ESR1: variants seen among roughly 807,000 people sequenced by gnomAD.
ESR1 encodes the protein estrogen receptor 1, also known as estrogen receptor.
A neutral mutation model predicts 52.7 loss-of-function variants in ESR1; 12 were observed. The ratio of observed to expected loss-of-function variants is 0.23; its 90% confidence interval spans 0.15 to 0.37. The LOEUF (loss-of-function observed/expected upper bound fraction) is 0.37. Ranked by LOEUF, ESR1 falls within the 10% of genes least tolerant of loss-of-function variation. ESR1 has a pLI of 1.00. For missense variants in ESR1, 584 were observed against 779.7 expected (o/e 0.75, Z 2.99); for synonymous variants, 305 against 316.8 (o/e 0.96, Z 0.39).
chr6:152,091,773 C>T (rs766021618), intron 6 of ESR1, among the ~76,000 whole-genome samples: 3 of 152,162 alleles, frequency 2.0e-5, no homozygotes, highest in Non-Finnish European at 4.4e-5. Context: ...AAGAGAGGCA[C>T]ACATGTCACC....
At chr6:151,767,185 C>A (rs531443069) in intron 2 of ESR1, among the ~76,000 whole-genome samples, 1 of 152,306 alleles carries the variant, frequency 6.6e-6, no homozygotes, top group South Asian at 2.1e-4. Context: ...CAATCACATC[C>A]AATCCCATGG....
At position 152,013,450 on chromosome 6, in the gene ESR1, T is replaced by A. The variant is rs553786686; in HGVS notation, c.1235+1656T>A. Among the ~76,000 whole-genome samples the A allele has an allele frequency of 1.8e-3, 268 of 152,328 alleles. 2 individuals are homozygous for A. Among genetic ancestry groups the A allele is most frequent in the African/African-American group, 6.0e-3 (250 of 41,578 alleles). The stretch of plus-strand genomic sequence containing the variant: ...CCTCATCTGTATCTATCTTCTTTTT[T>A]AAAATTTAATTCAATTTTTATAATG... On this transcript the variant is annotated intron_variant, in intron 5 of 7. Coordinates refer to ENST00000206249, the MANE Select transcript of ESR1 (RefSeq NM_000125.4).
intron 3 of ESR1, among the ~76,000 whole-genome samples, chr6:151,885,617 C>A (rs904563004): frequency 1.3e-5 from 2 of 152,210 alleles, no homozygotes; most frequent in African/African-American, 4.8e-5. Context: ...GTAATCCCAG[C>A]ACTTTGGGAG....
At chr6:151,809,208 C>T (rs1778399446) in intron 1 of ESR1, 1 of 459,378 alleles carries the variant, frequency 2.2e-6, no homozygotes, top group Non-Finnish European at 4.6e-6. Flanking sequence ...GCCTCGCAGC[C>T]ACTGTGGAAG....
intron 5 of ESR1, among the ~76,000 whole-genome samples, chr6:152,032,691 A>G (rs865894109): frequency 7.2e-5 from 11 of 152,344 alleles, no homozygotes; most frequent in Middle Eastern, 3.4e-3. Context: ...GGAAGAATCA[A>G]TATCATGAAA....
At chr6:151,867,362 T>C (rs1790105443) in intron 2 of ESR1, among the ~76,000 whole-genome samples, 1 of 151,518 alleles carries the variant, frequency 6.6e-6, no homozygotes, top group Non-Finnish European at 1.5e-5. Flanking sequence ...TTGCAATCTA[T>C]CCATCTAACA....
At chr6:151,998,494 C>T (rs951264279) in intron 4 of ESR1, among the ~76,000 whole-genome samples, 1 of 152,064 alleles carries the variant, frequency 6.6e-6, no homozygotes, top group Admixed American at 6.6e-5. Context: ...CAAATGCATC[C>T]TCCTTCCTAG....
At chr6:151,810,327 G>GTGT (rs1778610378) in intron 1 of ESR1, among the ~76,000 whole-genome samples, 2 of 151,978 alleles carry the variant, frequency 1.3e-5, no homozygotes, top group Non-Finnish European at 2.9e-5. Flanking sequence ...TGGAAATTCA[G>GTGT]TTTTAGAATG....
At chr6:151,804,354 C>CCCTTT (rs1239968190), upstream of ESR1, 26 of 152,308 alleles carry the variant, frequency 1.7e-4, no homozygotes, top group Admixed American at 5.9e-4. Context: ...ATTGCAGATC[C>CCCTTT]CCTTTCCTTT....
At chr6:152,041,571 A>G (rs2045801635) in intron 5 of ESR1, among the ~76,000 whole-genome samples, 1 of 152,188 alleles carries the variant, frequency 6.6e-6, no homozygotes, top group African/African-American at 2.4e-5. Context: ...AATTTTAGTC[A>G]ATTTTATTTC....
intron 1 of ESR1, among the ~76,000 whole-genome samples, chr6:151,694,166 G>A (rs1164478161): frequency 6.6e-6 from 1 of 152,172 alleles, no homozygotes; most frequent in Non-Finnish European, 1.5e-5. Context: ...TGCAAAGCTA[G>A]GTAACATGCC....
rs1040214834 is a variant in ESR1 at position 152,053,600 on chromosome 6, T to G, written c.1236-7391T>G. On this transcript the variant is annotated intron_variant, in intron 5 of 7. Coordinates refer to ENST00000206249, the MANE Select transcript of ESR1 (RefSeq NM_000125.4). The surrounding 1 kb of genome is among the most constrained non-coding windows in gnomAD (Gnocchi z 4.1). Reference sequence around the variant, plus strand: ...TCCCTCTTTCTCTCTCTCAATCTGTTTCTCTGTTAATCTCTCTTTCTCTCT... The same window carrying G: ...TCCCTCTTTCTCTCTCTCAATCTGTGTCTCTGTTAATCTCTCTTTCTCTCT... Among the ~76,000 whole-genome samples the G allele has an allele frequency of 2.0e-5, 3 of 151,560 alleles. No individual in the cohort carries two copies. The highest frequency in any genetic ancestry group is 4.4e-5 in the Non-Finnish European group (3 of 67,852).
At chr6:152,122,020 G>T (rs958947927) in intron 6 of ESR1, 16 of 254,456 alleles carry the variant, frequency 6.3e-5, no homozygotes, top group African/African-American at 2.6e-4. Context: ...TTGGTAGATT[G>T]TACGACACTG....
intron 4 of ESR1, among the ~76,000 whole-genome samples, chr6:152,001,174 A>G (rs1318491385): frequency 6.6e-6 from 1 of 151,990 alleles, no homozygotes; most frequent in Admixed American, 6.6e-5. Flanking sequence ...TTCTGTTCCT[A>G]TAATAGAATA....
At chr6:152,031,533 A>G (rs2044705700) in intron 5 of ESR1, among the ~76,000 whole-genome samples, 1 of 152,226 alleles carries the variant, frequency 6.6e-6, no homozygotes, top group African/African-American at 2.4e-5. Flanking sequence ...AAACTAGAAC[A>G]TCTAGAAGAA....
intron 3 of ESR1, among the ~76,000 whole-genome samples, chr6:151,899,631 C>T (rs1235186830): frequency 6.6e-6 from 1 of 151,958 alleles, no homozygotes; most frequent in Non-Finnish European, 1.5e-5. Context: ...ACGCTCCTCA[C>T]TTCCCAGACG....
chr6:151,837,942 A>T (rs980117279), intron 1 of ESR1, among the ~76,000 whole-genome samples: 13 of 152,330 alleles, frequency 8.5e-5, no homozygotes, highest in African/African-American at 2.6e-4. Flanking sequence ...AAACCCTGAA[A>T]TATTTTGAAT....
intron 2 of ESR1, among the ~76,000 whole-genome samples, chr6:151,848,986 A>G (rs1457648930): frequency 6.6e-6 from 1 of 151,996 alleles, no homozygotes; most frequent in Non-Finnish European, 1.5e-5. Flanking sequence ...ACACGCCAAC[A>G]TGTTCCTTCC....
upstream of ESR1, among the ~76,000 whole-genome samples, chr6:151,690,196 T>C (rs1364646806): frequency 2.0e-5 from 3 of 152,238 alleles, no homozygotes; most frequent in African/African-American, 7.2e-5. Flanking sequence ...TAACAAAATT[T>C]ATGTGCTGAA....
Sources: allele counts gnomAD v4.1 joint callset (sites outside exome capture counted in the v4.1 genomes callset), GRCh38; gene constraint gnomAD v4.1.1; non-coding constraint Gnocchi (gnomAD v3.1); transcripts MANE v1.5; gene names NCBI Gene and HGNC (gene_info 2026-07-23, HGNC 2026-07-21).